Variants in FAM20C observed in about 807,000 individuals in gnomAD.
FAM20C encodes the protein extracellular serine/threonine protein kinase FAM20C.
In FAM20C, 40 loss-of-function variants were observed where a neutral mutation model predicts 51.5. That is an observed-to-expected ratio of 0.78 (90% confidence interval 0.60 to 1.01). FAM20C has a LOEUF of 1.01. Among genes scored for constraint, FAM20C ranks in the 50% least tolerant of loss-of-function variants. The pLI is 0.00. For missense variants in FAM20C, 861 were observed against 844.7 expected (o/e 1.02, Z -0.24); for synonymous variants, 406 against 380.6 (o/e 1.07, Z -0.78).
intron 3 of FAM20C, chr7:228,307 G>A (rs1019220708): frequency 5.4e-6 from 2 of 373,384 alleles, no homozygotes; most frequent in Non-Finnish European, 1.1e-5. Flanking sequence ...GGGTTCCGAA[G>A]AAGGCAGGTT....
intron 3 of FAM20C, among the ~76,000 whole-genome samples, chr7:244,473 G>A (rs761746934): frequency 1.3e-5 from 2 of 152,178 alleles, no homozygotes; most frequent in South Asian, 2.1e-4. Context: ...ATTTGCCAGC[G>A]CTTAAAACCC....
intron 3 of FAM20C, chr7:229,256 G>A: frequency 4.3e-6 from 1 of 232,484 alleles, no homozygotes; most frequent in Non-Finnish European, 8.6e-6. Flanking sequence ...TTTCTGTGAG[G>A]AATGCATTTT....
At chr7:247,188 G>C (rs779613805) in intron 4 of FAM20C, among the ~76,000 whole-genome samples, 4 of 152,240 alleles carry the variant, frequency 2.6e-5, no homozygotes, top group Non-Finnish European at 5.9e-5. Context: ...CTCCAGAGGG[G>C]CCGCCCCAGC....
intron 5 of FAM20C, among the ~76,000 whole-genome samples, chr7:249,186 A>C: frequency 6.6e-6 from 1 of 152,184 alleles, no homozygotes; most frequent in East Asian, 1.9e-4. Context: ...ACTTAAACAC[A>C]CTCAGCAGGA....
chr7:227,085 G>C (rs556859370), intron 3 of FAM20C, among the ~76,000 whole-genome samples: 1 of 151,968 alleles, frequency 6.6e-6, no homozygotes, highest in Non-Finnish European at 1.5e-5. Flanking sequence ...GGGTCTCCTG[G>C]AAAAGATTAC....
rs1012283704 is a variant in FAM20C, at chr7:236,471, C to T, written c.864-9944C>T. ...TCCTGCTGTCACCAGTAGACCCGAT[C>T]TTCTCAGGCGTTTACTGGCTGCAAA... On this transcript the variant is annotated intron_variant, in intron 3 of 9. Coordinates refer to ENST00000313766, the MANE Select transcript of FAM20C (RefSeq NM_020223.4). Among the ~76,000 whole-genome samples, 3 of 152,320 alleles carry T rather than the reference C, an allele frequency of 2.0e-5. No individual in the cohort carries two copies. In the South Asian group the frequency reaches 6.2e-4, roughly 32 times the overall value.
intron 6 of FAM20C, 165 bp from the exon 7 acceptor site, chr7:256,489 C>G: frequency 1.6e-6 from 1 of 641,258 alleles, no homozygotes; most frequent in Non-Finnish European, 2.8e-6. Context: ...CCGTCCCCTC[C>G]CACACCCGTG....
intron 3 of FAM20C, among the ~76,000 whole-genome samples, chr7:209,822 T>C (rs1286543271): frequency 1.3e-5 from 2 of 152,250 alleles, no homozygotes; most frequent in Non-Finnish European, 2.9e-5. Flanking sequence ...CTTCATATAC[T>C]TTGCAGGTAA....
chr7:244,362 C>A (rs1437121964), intron 3 of FAM20C, among the ~76,000 whole-genome samples: 1 of 152,224 alleles, frequency 6.6e-6, no homozygotes, highest in East Asian at 1.9e-4. Flanking sequence ...TTTTTAACCT[C>A]AAAAATATCC....
At chr7:210,315 G>A (rs189183132) in intron 3 of FAM20C, among the ~76,000 whole-genome samples, 8 of 152,282 alleles carry the variant, frequency 5.3e-5, no homozygotes, top group Admixed American at 2.6e-4. Flanking sequence ...CCTCTGCCCC[G>A]GTTGAGGAGG....
At chr7:222,378 C>T (rs1238823658) in intron 3 of FAM20C, among the ~76,000 whole-genome samples, 4 of 152,092 alleles carry the variant, frequency 2.6e-5, no homozygotes, top group Admixed American at 2.6e-4. Context: ...CAGCTGGGGT[C>T]ACCGTCAGCC....
chr7:201,980 T>C (rs1054641352), intron 2 of FAM20C, among the ~76,000 whole-genome samples: 7 of 152,232 alleles, frequency 4.6e-5, no homozygotes, highest in Non-Finnish European at 7.3e-5. Flanking sequence ...TTAATAATGA[T>C]GAATCAATAG....
chr7:254,051 C>T (rs1253876430), intron 5 of FAM20C, among the ~76,000 whole-genome samples: 1 of 151,266 alleles, frequency 6.6e-6, no homozygotes, highest in Non-Finnish European at 1.5e-5. Context: ...CCAGCGTTGG[C>T]AGTGGGGTGA....
At chr7:255,813 T>C (rs1788568654) in intron 5 of FAM20C, 36 bp from the exon 6 acceptor site, 1 of 1,535,666 alleles carries the variant, frequency 6.5e-7, no homozygotes. Context: ...CGCAGCCCTG[T>C]GCGGCCCTGG....
chr7:201,240 C>G (rs1257275058), intron 2 of FAM20C, among the ~76,000 whole-genome samples: 1 of 152,190 alleles, frequency 6.6e-6, no homozygotes, highest in Non-Finnish European at 1.5e-5. Context: ...CCGTGACCCC[C>G]AAGGACAGAC....
chr7:219,526 C>T (rs769853728), intron 3 of FAM20C, among the ~76,000 whole-genome samples: 8 of 152,274 alleles, frequency 5.3e-5, no homozygotes, highest in East Asian at 1.9e-4. Flanking sequence ...GCTTCGAATC[C>T]GGTACCTGAA....
At chr7:201,444 T>A (rs775335513) in intron 2 of FAM20C, among the ~76,000 whole-genome samples, 4 of 151,580 alleles carry the variant, frequency 2.6e-5, no homozygotes, top group African/African-American at 4.8e-5. Flanking sequence ...CAAGGATGAG[T>A]GGTGGCTGCA....
chr7:252,865 C>T (rs368627865), intron 5 of FAM20C, among the ~76,000 whole-genome samples: 9 of 152,366 alleles, frequency 5.9e-5, no homozygotes, highest in South Asian at 2.1e-4. Context: ...AGAACACACT[C>T]CCCTACTTCT....
Position 209,079 on chromosome 7 carries a change from T to C in FAM20C, c.863+103T>C, listed in dbSNP as rs113796998. ...TGGCCGTGTCTCCTCCCAGGGTGTT[T>C]TGGGGAGACTGTGGGTGACCACTCT... On this transcript the variant is annotated intron_variant, in intron 3 of 9. Coordinates refer to ENST00000313766, the MANE Select transcript of FAM20C (RefSeq NM_020223.4). 333 of 1,196,300 alleles carry C rather than the reference T, an allele frequency of 2.8e-4. 5 individuals carry two copies. In the African/African-American group the frequency reaches 4.2e-3, roughly 15 times the overall value. The allele number at this position is 1,196,300 out of a possible 1,614,324, so 74.1% of individuals were successfully genotyped here.
Sources: gnomAD v4.1 joint callset for allele counts (sites outside exome capture counted in the v4.1 genomes callset) on GRCh38, gnomAD v4.1.1 for gene constraint, MANE v1.5 for transcripts, NCBI Gene and HGNC (gene_info 2026-07-23, HGNC 2026-07-21) for gene names.